The following DLGAP2 variants were observed in gnomAD, a reference collection of about 807,000 sequenced individuals.
DLGAP2 encodes the protein disks large-associated protein 2.
A neutral mutation model predicts 100.3 loss-of-function variants in DLGAP2; 26 were observed. The observed-to-expected ratio is 0.26, with a 90% CI of 0.19 to 0.36. The LOEUF (loss-of-function observed/expected upper bound fraction) is 0.36, where lower values mean the gene tolerates loss of function less well. Ranked by LOEUF, DLGAP2 falls within the 10% of genes least tolerant of loss-of-function variation. The pLI is 1.00. For synonymous variants in DLGAP2, 886 were observed against 630.1 expected, an observed-to-expected ratio of 1.41 and a Z score of -6.08; for missense variants, 1,858 against 1,453.2, an observed-to-expected ratio of 1.28 and a Z score of -4.53.
At chr8:1,575,802 C>G (rs1802946603) in intron 6 of DLGAP2, among the ~76,000 whole-genome samples, 1 of 151,670 alleles carries the variant, frequency 6.6e-6, no homozygotes, top group African/African-American at 2.4e-5. Flanking sequence ...ATGAACTTGT[C>G]CTTTTTATGG....
chr8:1,039,521 T>TGTGTGG (rs1802241491), intron 2 of DLGAP2, among the ~76,000 whole-genome samples: 1 of 66,050 alleles, frequency 1.5e-5, no homozygotes, highest in Admixed American at 1.9e-4. Context: ...GGTGTGCATG[T>TGTGTGG]TCAGCTCGGT....
intron 2 of DLGAP2, among the ~76,000 whole-genome samples, chr8:935,708 A>C (rs1799055300): frequency 6.6e-6 from 1 of 151,822 alleles, no homozygotes; most frequent in Non-Finnish European, 1.5e-5. Flanking sequence ...AGATCTCTAC[A>C]CCCCAGCAGC....
intron 2 of DLGAP2, among the ~76,000 whole-genome samples, chr8:949,456 A>G (rs901459860): frequency 2.0e-5 from 3 of 152,054 alleles, no homozygotes; most frequent in African/African-American, 7.2e-5. Flanking sequence ...GGGGTCTGCA[A>G]GAGGAGCCCT....
intron 4 of DLGAP2, among the ~76,000 whole-genome samples, chr8:1,547,344 C>T (rs907429069): frequency 6.6e-6 from 1 of 151,976 alleles, no homozygotes; most frequent in Admixed American, 6.6e-5. Flanking sequence ...ACAGGGCTCC[C>T]CTAAAAGTTG....
chr8:1,630,471 G>A (rs989103920), intron 7 of DLGAP2, among the ~76,000 whole-genome samples: 2 of 152,134 alleles, frequency 1.3e-5, no homozygotes, highest in East Asian at 3.9e-4. Context: ...GGGAGGCCGA[G>A]GTGGGTGGAT....
intron 2 of DLGAP2, among the ~76,000 whole-genome samples, chr8:997,857 C>T (rs969155975): frequency 6.8e-6 from 1 of 146,140 alleles, no homozygotes. Flanking sequence ...TACATACACA[C>T]ATACACACAA....
chr8:1,661,690 G>T (rs760891148), intron 8 of DLGAP2, among the ~76,000 whole-genome samples: 6 of 152,168 alleles, frequency 3.9e-5, no homozygotes, highest in Non-Finnish European at 5.9e-5. Flanking sequence ...GCAGTGATCT[G>T]GTGAATTGGA....
At chr8:871,072 G>A (rs566279952) in intron 1 of DLGAP2, among the ~76,000 whole-genome samples, 3 of 152,314 alleles carry the variant, frequency 2.0e-5, no homozygotes, top group South Asian at 2.1e-4. Context: ...GTGGCAGTGC[G>A]CACTGTTTGA....
At chr8:932,449 A>G (rs1056235927) in intron 2 of DLGAP2, among the ~76,000 whole-genome samples, 15 of 152,244 alleles carry the variant, frequency 9.9e-5, no homozygotes, top group African/African-American at 3.6e-4. Flanking sequence ...CACAAGTGCA[A>G]CGTGTGGTTT....
chr8:1,089,278 G>A (rs529850952), intron 2 of DLGAP2, among the ~76,000 whole-genome samples: 18 of 152,376 alleles, frequency 1.2e-4, no homozygotes, highest in South Asian at 8.3e-4. Flanking sequence ...GGCTTTCTCC[G>A]GACATGGTCT....
In DLGAP2 at chr8:1,708,328, C is replaced by T. The variant is rs1435400369; in HGVS notation, c.*6922C>T. Reference sequence around the variant, plus strand: ...TCCGAAAAAAAATTACACTCTTCCTCCATTATATATTTCATTGTTGAAATA... The same window carrying T: ...TCCGAAAAAAAATTACACTCTTCCTTCATTATATATTTCATTGTTGAAATA... On this transcript the variant is annotated 3_prime_UTR_variant, in exon 15 of 15. Transcript: ENST00000637795. 1 of 152,098 alleles carries T rather than the reference C, an allele frequency of 6.6e-6. No individual in the cohort carries two copies. Among genetic ancestry groups the T allele is most frequent in the Non-Finnish European group, 1.5e-5 (1 of 68,016 alleles). The allele number at this position is 152,098 out of a possible 1,614,324, so 9.4% of individuals were successfully genotyped here. A position where few individuals can be genotyped will look rare whatever the true frequency, so the allele number is the denominator to read the frequency against.
intron 1 of DLGAP2, among the ~76,000 whole-genome samples, chr8:762,487 G>C (rs906011808): frequency 2.0e-5 from 3 of 152,160 alleles, no homozygotes; most frequent in Non-Finnish European, 2.9e-5. Context: ...AAAAGTAACA[G>C]TGTCAAATTT....
intron 1 of DLGAP2, among the ~76,000 whole-genome samples, chr8:824,382 C>T (rs1438262509): frequency 6.6e-6 from 1 of 152,112 alleles, no homozygotes; most frequent in Non-Finnish European, 1.5e-5. Flanking sequence ...CGGGCACATT[C>T]CTTCTTCTTT....
At chr8:1,349,782 G>A (rs1331123829) in intron 3 of DLGAP2, among the ~76,000 whole-genome samples, 1 of 152,236 alleles carries the variant, frequency 6.6e-6, no homozygotes, top group Non-Finnish European at 1.5e-5. Context: ...GACCACTGGT[G>A]ACTTTACAGA....
chr8:1,566,041 T>G, intron 6 of DLGAP2, 147 bp downstream of exon 6: 4 of 586,202 alleles, frequency 6.8e-6, no homozygotes, highest in Non-Finnish European at 8.1e-6. Context: ...CTGTCAATTT[T>G]CAAGTATTTT....
chr8:1,153,379 C>T (rs1796729369), intron 2 of DLGAP2, among the ~76,000 whole-genome samples: 1 of 152,196 alleles, frequency 6.6e-6, no homozygotes, highest in Non-Finnish European at 1.5e-5. Context: ...CTAAACACGC[C>T]TCTTTCTAGT....
intron 2 of DLGAP2, among the ~76,000 whole-genome samples, chr8:1,251,903 G>A (rs1799049001): frequency 6.6e-6 from 1 of 152,234 alleles, no homozygotes; most frequent in African/African-American, 2.4e-5. Context: ...TCACAGTATT[G>A]TGTTATCACG....
chr8:872,991 T>C (rs7016755), intron 1 of DLGAP2, among the ~76,000 whole-genome samples: 12,190 of 152,226 alleles, frequency 0.08, 859 homozygotes, highest in Admixed American at 0.22. Context: ...AAATCATCTG[T>C]AGAGTACATA....
chr8:1,513,012 C>T (rs1392654002), intron 4 of DLGAP2, among the ~76,000 whole-genome samples: 2 of 152,184 alleles, frequency 1.3e-5, no homozygotes, highest in East Asian at 3.9e-4. Context: ...TCTGCCTTTC[C>T]CAGTGCAGAG....
Sources: gnomAD v4.1 joint callset for allele counts (sites outside exome capture counted in the v4.1 genomes callset) on GRCh38, gnomAD v4.1.1 for gene constraint, MANE v1.5 for transcripts, NCBI Gene and HGNC (gene_info 2026-07-23, HGNC 2026-07-21) for gene names.